SNX25: variants seen among roughly 807,000 people sequenced by gnomAD.
The protein encoded by SNX25 is sorting nexin 25, also known as sorting nexin-25.
SNX25 carries 62 observed loss-of-function variants against 113.7 expected under a neutral mutation model. The ratio of observed to expected loss-of-function variants is 0.55; its 90% CI spans 0.44 to 0.67. The LOEUF is 0.67. SNX25 is among the 30% of genes least tolerant of loss of function. The pLI is 0.00. For synonymous variants in SNX25, 421 were observed against 436.2 expected (o/e 0.97, Z 0.43); for missense variants, 1,014 against 1,161.0 (o/e 0.87, Z 1.84).
At chr4:185,378,307 C>T in the SNX25 span, 1 of 1,490,984 alleles carries the variant, frequency 6.7e-7, no homozygotes, top group Non-Finnish European at 8.9e-7. Flanking sequence ...GAAAAGCATC[C>T]TTCTCTCATC....
At chr4:185,219,701 G>A (rs1057338262) in intron 1 of SNX25, among the ~76,000 whole-genome samples, 3 of 152,128 alleles carry the variant, frequency 2.0e-5, no homozygotes, top group Non-Finnish European at 2.9e-5. Flanking sequence ...CTGGCTGCTG[G>A]GATCAAGCCA....
At chr4:185,309,534 T>G (rs1336980489) in intron 6 of SNX25, among the ~76,000 whole-genome samples, 1 of 152,236 alleles carries the variant, frequency 6.6e-6, no homozygotes. Context: ...TCTAGCTTAG[T>G]AATTGGCCCC....
chr4:185,257,573 AAT>A (rs1177839985), intron 2 of SNX25, among the ~76,000 whole-genome samples: 2 of 152,216 alleles, frequency 1.3e-5, no homozygotes, highest in Middle Eastern at 3.2e-3. Context: ...ATTTTGAAAT[AAT>A]GTTTTACATA....
At chr4:185,289,275 A>C (rs1316176641) in intron 6 of SNX25, among the ~76,000 whole-genome samples, 2 of 152,242 alleles carry the variant, frequency 1.3e-5, no homozygotes, top group Non-Finnish European at 2.9e-5. Context: ...CAACAAAAAA[A>C]TATGTGTTAT....
chr4:185,208,844 T>C (rs1339198403), upstream of SNX25, among the ~76,000 whole-genome samples: 1 of 152,254 alleles, frequency 6.6e-6, no homozygotes, highest in East Asian at 1.9e-4. Context: ...AGTGTTTAAG[T>C]AGCATATTGG....
At chr4:185,212,135 A>C (rs1737916355) in intron 1 of SNX25, among the ~76,000 whole-genome samples, 1 of 152,042 alleles carries the variant, frequency 6.6e-6, no homozygotes, top group African/African-American at 2.4e-5. Context: ...AATAGCCTTA[A>C]ATAAGAAATT....
In SNX25 at chr4:185,339,512, T is replaced by C. The variant is rs755090782; in HGVS notation, c.2046+2T>C. 9.3e-6 allele frequency: 15 copies of C among 1,606,046 alleles called. No individual in the cohort carries two copies. The highest frequency in any genetic ancestry group is 1.1e-5 in the Non-Finnish European group (13 of 1,177,340). On this transcript the variant is annotated splice_donor_variant, in intron 11 of 18. Transcript: ENST00000652585. LOFTEE classifies it high-confidence loss of function. ...AAAGCCTCCATCACCAGTGGAGAGG[T>C]AGTTTTGACTGCTTTTCCTCTTAAT... is the stretch of plus-strand genomic sequence containing the variant.
At chr4:185,290,323 C>T (rs1481910191) in intron 6 of SNX25, among the ~76,000 whole-genome samples, 9 of 152,286 alleles carry the variant, frequency 5.9e-5, no homozygotes, top group South Asian at 2.1e-4. Context: ...CTGTGTTTTC[C>T]GTCTAAGCTG....
At chr4:185,314,856 CAAAAA>C (rs35230364) in intron 7 of SNX25, among the ~76,000 whole-genome samples, 3 of 96,396 alleles carry the variant, frequency 3.1e-5, no homozygotes, top group Non-Finnish European at 4.3e-5. Context: ...GACTCTGTCT[CAAAAA>C]AAAAAAAAAA....
chr4:185,214,676 G>A (rs746123444), intron 1 of SNX25, among the ~76,000 whole-genome samples: 3 of 152,146 alleles, frequency 2.0e-5, no homozygotes, highest in South Asian at 2.1e-4. Flanking sequence ...AAGTTTAGCC[G>A]GAAAGTAGTT....
chr4:185,363,616 A>C lies in SNX25; in HGVS notation c.*151A>C. The C allele has an allele frequency of 1.5e-6, 1 of 650,014 alleles. No individual in the cohort carries two copies. The highest frequency in any genetic ancestry group is 2.6e-6 in the Non-Finnish European group (1 of 389,604). 40.3% of individuals were successfully genotyped at this position (650,014 alleles called of 1,614,324 possible). ...TTATGTGAAATTAGTAGAATCAGGG[A>C]GGACGGGACTTATGCTGTGGTAGGC... On this transcript the variant is annotated 3_prime_UTR_variant, in exon 19 of 19. Coordinates refer to ENST00000652585, the MANE Select transcript of SNX25 (RefSeq NM_001378034.2). The surrounding 1 kb of genome is among the most constrained non-coding windows in gnomAD (Gnocchi z 4.2).
chr4:185,288,860 T>G (rs894273764), intron 6 of SNX25, among the ~76,000 whole-genome samples: 3 of 152,158 alleles, frequency 2.0e-5, no homozygotes, highest in African/African-American at 7.2e-5. Flanking sequence ...AAACACTGCT[T>G]TCACCTTGGA....
chr4:185,375,487 A>AAAATATATATATAT, the SNX25 span: 3 of 12,010 alleles, frequency 2.5e-4, no homozygotes, highest in African/African-American at 2.9e-4. Flanking sequence ...AAAAAAAAAA[A>AAAATATATATATAT]ATATATATAT....
intron 1 of SNX25, among the ~76,000 whole-genome samples, chr4:185,242,057 C>T (rs181000289): frequency 7.6e-6 from 1 of 131,964 alleles, no homozygotes; most frequent in African/African-American, 2.5e-5. Flanking sequence ...GTGGATTCTA[C>T]CCTTTTGACC....
At chr4:185,263,735 C>T (rs1201557405) in intron 3 of SNX25, among the ~76,000 whole-genome samples, 2 of 152,162 alleles carry the variant, frequency 1.3e-5, no homozygotes, top group Non-Finnish European at 2.9e-5. Flanking sequence ...ACTTTGCCTC[C>T]TCATCTAGAA....
At chr4:185,253,854 A>G (rs1746018534) in intron 2 of SNX25, among the ~76,000 whole-genome samples, 1 of 152,252 alleles carries the variant, frequency 6.6e-6, no homozygotes. Flanking sequence ...AAATATGCCC[A>G]TAAGTAATTG....
chr4:185,234,554 C>T lies in SNX25; in HGVS notation c.430-12740C>T, dbSNP rs1388855061. 8.5e-5 allele frequency among the ~76,000 whole-genome samples: 6 copies of T among 70,878 alleles called. 2 individuals carry two copies. The highest frequency in any genetic ancestry group is 1.1e-3 in the South Asian group (2 of 1,798). The allele number at this position is 70,878 out of a possible 152,430, so 46.5% of individuals were successfully genotyped here. A position where few individuals can be genotyped will look rare whatever the true frequency, so the allele number is the denominator to read the frequency against. On this transcript the variant is annotated intron_variant, in intron 1 of 18. Transcript: ENST00000652585. ...AAAATTAGCCGGGCGTGGTGGCGGG[C>T]GCCTGTAGTCCCAGCTACTCGGGAG...
At chr4:185,243,464 A>G (rs1005051484) in intron 1 of SNX25, among the ~76,000 whole-genome samples, 4 of 152,074 alleles carry the variant, frequency 2.6e-5, no homozygotes, top group Non-Finnish European at 5.9e-5. Context: ...CTTAAAACAT[A>G]GCGGGACACA....
downstream of SNX25, chr4:185,364,778 A>C (rs1244716973): frequency 6.6e-6 from 1 of 152,208 alleles, no homozygotes; most frequent in African/African-American, 2.4e-5. Flanking sequence ...GATAAAATAC[A>C]TTCAAGGAAG....
Sources: allele counts gnomAD v4.1 joint callset (sites outside exome capture counted in the v4.1 genomes callset), GRCh38; gene constraint gnomAD v4.1.1; non-coding constraint Gnocchi (gnomAD v3.1); transcripts MANE v1.5; gene names NCBI Gene and HGNC (gene_info 2026-07-23, HGNC 2026-07-21).